Variants in SLC26A7 observed in about 807,000 individuals in gnomAD.
The protein encoded by SLC26A7 is anion exchange transporter.
In SLC26A7, 59 loss-of-function variants were observed where a neutral mutation model predicts 82.5. That is an observed-to-expected ratio of 0.72 (90% CI 0.58 to 0.89). The LOEUF (loss-of-function observed/expected upper bound fraction) is 0.89, where lower values mean the gene tolerates loss of function less well. Among genes scored for constraint, SLC26A7 ranks in the 40% least tolerant of loss-of-function variants. The pLI is 0.00. For missense variants in SLC26A7, 820 were observed against 793.0 expected (o/e 1.03, Z -0.41); for synonymous variants, 271 against 274.3 (o/e 0.99, Z 0.12).
chr8:91,292,756 A>AATCAGTTG (rs1313416506), intron 3 of SLC26A7, among the ~76,000 whole-genome samples: 1 of 152,146 alleles, frequency 6.6e-6, no homozygotes, highest in Non-Finnish European at 1.5e-5. Flanking sequence ...AAAAGGAATA[A>AATCAGTTG]ATCAGTTGAT....
At chr8:91,385,567 G>A (rs1216315761) in intron 15 of SLC26A7, among the ~76,000 whole-genome samples, 2 of 152,140 alleles carry the variant, frequency 1.3e-5, no homozygotes, top group Non-Finnish European at 2.9e-5. Flanking sequence ...GCATAAGCCT[G>A]TTGTTTTGCT....
chr8:91,367,943 C>T (rs149451714), intron 14 of SLC26A7, among the ~76,000 whole-genome samples: 1 of 152,272 alleles, frequency 6.6e-6, no homozygotes, highest in East Asian at 1.9e-4. Flanking sequence ...TGCCTTTGGG[C>T]CTTACCCTAA....
chr8:91,335,083 T>C (rs1813203983), intron 6 of SLC26A7, among the ~76,000 whole-genome samples: 1 of 152,070 alleles, frequency 6.6e-6, no homozygotes, highest in South Asian at 2.1e-4. Flanking sequence ...AAGCATTAAG[T>C]TGAAAATAAA....
chr8:91,275,029 A>C (rs532084619), intron 2 of SLC26A7, among the ~76,000 whole-genome samples: 27 of 152,298 alleles, frequency 1.8e-4, no homozygotes, highest in African/African-American at 4.6e-4. Flanking sequence ...TACTCTATGC[A>C]TAAATGCGCA....
chr8:91,298,453 G>A (rs1812073997), intron 4 of SLC26A7, among the ~76,000 whole-genome samples: 1 of 151,788 alleles, frequency 6.6e-6, no homozygotes, highest in South Asian at 2.1e-4. Context: ...TGTCTTGTAT[G>A]TCTATAATAT....
At chr8:91,243,651 T>G (rs1055774582) in intron 2 of SLC26A7, among the ~76,000 whole-genome samples, 3 of 152,168 alleles carry the variant, frequency 2.0e-5, no homozygotes, top group Non-Finnish European at 2.9e-5. Flanking sequence ...CTACCGACAC[T>G]GGGGAATGAT....
intron 2 of SLC26A7, among the ~76,000 whole-genome samples, chr8:91,278,862 T>C (rs983989046): frequency 6.6e-6 from 1 of 151,888 alleles, no homozygotes; most frequent in Non-Finnish European, 1.5e-5. Context: ...TTCTCCTAAC[T>C]GGAATTTTTT....
chr8:91,397,353 G>C lies in SLC26A7; in HGVS notation c.*2256G>C, dbSNP rs1208390643. On this transcript the variant is annotated 3_prime_UTR_variant, in exon 19 of 19. Transcript: ENST00000276609. ...AATGCAAATGTTTATTTTGAAGCAG[G>C]CATTGACAACACAAAAACTGTGTAG... The C allele has an allele frequency of 6.6e-5, 10 of 152,422 alleles. No individual in the cohort carries two copies. The highest frequency in any genetic ancestry group is 2.4e-4 in the African/African-American group (10 of 41,442). 9.4% of individuals were successfully genotyped at this position (152,422 alleles called of 1,614,324 possible). A position where few individuals can be genotyped will look rare whatever the true frequency, so the allele number is the denominator to read the frequency against.
chr8:91,256,267 A>G (rs1810800083), intron 2 of SLC26A7, among the ~76,000 whole-genome samples: 1 of 152,112 alleles, frequency 6.6e-6, no homozygotes. Flanking sequence ...TCTAATGTGA[A>G]ACAGGTGAGA....
chr8:91,280,176 C>T (rs1345970023), intron 2 of SLC26A7, among the ~76,000 whole-genome samples: 2 of 152,090 alleles, frequency 1.3e-5, no homozygotes, highest in African/African-American at 4.8e-5. Flanking sequence ...TAAATCAGTG[C>T]CCAGACCAAT....
At position 91,314,352 on chromosome 8, in the gene SLC26A7, CCCCT is replaced by C. The variant is rs1812572552; in HGVS notation, c.478-3862_478-3859del. Among the ~76,000 whole-genome samples, 10 of 152,278 alleles carry C rather than the reference CCCCT, an allele frequency of 6.6e-5. No homozygotes were observed. The South Asian group carries it at 2.1e-3, about 32-fold the overall frequency. ...AGATAAACATGGTTCAATCTGTGGG[CCCCT>C]CTTGCAAAGCCTGTGTTGCTTGTGT... On this transcript the variant is annotated intron_variant, in intron 4 of 18. Transcript: ENST00000276609.
intron 4 of SLC26A7, among the ~76,000 whole-genome samples, chr8:91,313,799 A>G (rs1161792092): frequency 2.0e-5 from 3 of 152,200 alleles, no homozygotes; most frequent in Non-Finnish European, 4.4e-5. Flanking sequence ...ATGGAACAAT[A>G]AGTGATTTGG....
intron 2 of SLC26A7, among the ~76,000 whole-genome samples, chr8:91,223,663 T>C (rs1006343435): frequency 2.0e-5 from 3 of 152,190 alleles, no homozygotes; most frequent in Non-Finnish European, 4.4e-5. Flanking sequence ...TTTGGGTTAA[T>C]CTTCTCATGG....
At chr8:91,294,332 G>A (rs1811956687) in intron 3 of SLC26A7, among the ~76,000 whole-genome samples, 1 of 152,088 alleles carries the variant, frequency 6.6e-6, no homozygotes, top group African/African-American at 2.4e-5. Context: ...ACATTGAGGT[G>A]ACAGTTCTGG....
intron 4 of SLC26A7, among the ~76,000 whole-genome samples, chr8:91,302,818 C>A (rs867505235): frequency 7.7e-6 from 1 of 129,638 alleles, no homozygotes; most frequent in African/African-American, 2.9e-5. Context: ...TTCCCCTTCT[C>A]TTTTTTTTTT....
At chr8:91,264,734 G>C (rs1476546473) in intron 2 of SLC26A7, among the ~76,000 whole-genome samples, 1 of 151,916 alleles carries the variant, frequency 6.6e-6, no homozygotes, top group African/African-American at 2.4e-5. Context: ...TGTTCAGGAG[G>C]TTACTTGCCA....
In SLC26A7 at chr8:91,397,710, A is replaced by C. The variant is rs1266838569; in HGVS notation, c.*2613A>C. 1 of 152,540 alleles carries C rather than the reference A, an allele frequency of 6.6e-6. No homozygotes were observed. The highest frequency in any genetic ancestry group is 1.5e-5 in the Non-Finnish European group (1 of 67,950). 9.4% of individuals were successfully genotyped at this position (152,540 alleles called of 1,614,324 possible). On this transcript the variant is annotated 3_prime_UTR_variant, in exon 19 of 19. Coordinates refer to ENST00000276609, the MANE Select transcript of SLC26A7 (RefSeq NM_052832.4). ...GTTTTAGCTTGAACTACTTTGCAGT[A>C]ATTTATTTGACAGATCTCTATTCTA...
intron 9 of SLC26A7, among the ~76,000 whole-genome samples, chr8:91,345,926 C>T (rs1813549977): frequency 6.6e-6 from 1 of 151,672 alleles, no homozygotes; most frequent in Non-Finnish European, 1.5e-5. Flanking sequence ...GATTTTTTTT[C>T]ACTTGAGTTG....
At chr8:91,299,180 T>C (rs34775583) in intron 4 of SLC26A7, among the ~76,000 whole-genome samples, 8,378 of 152,274 alleles carry the variant, frequency 0.055, 271 homozygotes, top group African/African-American at 0.068. Flanking sequence ...CTTCAAATTT[T>C]AAGAGTTCTT....
Sources: gnomAD v4.1 joint callset for allele counts (sites outside exome capture counted in the v4.1 genomes callset) on GRCh38, gnomAD v4.1.1 for gene constraint, MANE v1.5 for transcripts, NCBI Gene and HGNC (gene_info 2026-07-23, HGNC 2026-07-21) for gene names.